DGLUCY: variants seen among roughly 807,000 people sequenced by gnomAD.
DGLUCY encodes the protein D-glutamate cyclase, also known as D-glutamate cyclase, mitochondrial.
DGLUCY carries 58 observed loss-of-function variants against 58.5 expected under a neutral mutation model. The ratio of observed to expected loss-of-function variants is 0.99; its 90% CI spans 0.80 to 1.23. DGLUCY has a LOEUF of 1.23. Among genes scored for constraint, DGLUCY ranks in the 50% most tolerant of loss-of-function variants. The probability of loss-of-function intolerance (pLI) is 0.00; values close to 1 mark genes in which losing one functional copy is unlikely to be tolerated. For synonymous variants in DGLUCY, 325 were observed against 314.1 expected (o/e 1.03, Z -0.37); for missense variants, 779 against 784.7 (o/e 0.99, Z 0.09).
intron 1 of DGLUCY, among the ~76,000 whole-genome samples, chr14:91,074,139 A>ACACACACACC (rs2043973718): frequency 6.9e-6 from 1 of 144,222 alleles, no homozygotes; most frequent in African/African-American, 2.6e-5. Flanking sequence ...ACACACACAC[A>ACACACACACC]CACACACACA....
Position 91,183,688 on chromosome 14 carries a change from G to T in DGLUCY, c.934+2299G>T, listed in dbSNP as rs145142064. On this transcript the variant is annotated intron_variant, in intron 8 of 13. Coordinates refer to ENST00000256324, the MANE Select transcript of DGLUCY (RefSeq NM_001102368.3). ...AGCTATGATTAACTTCATTTAACAG[G>T]TGAGGAAACTGAGGCAGATAAGGTA... 1.9e-4 allele frequency among the ~76,000 whole-genome samples: 29 copies of T among 152,296 alleles called. No individual in the cohort carries two copies. In the East Asian group the frequency reaches 4.8e-3, roughly 25 times the overall value.
chr14:91,119,464 A>G (rs2045215235), intron 1 of DGLUCY, among the ~76,000 whole-genome samples: 1 of 152,070 alleles, frequency 6.6e-6, no homozygotes, highest in Admixed American at 6.6e-5. Flanking sequence ...CCATACCTGA[A>G]GACTCTTTCT....
At position 91,225,006 on chromosome 14, in the gene DGLUCY, G is replaced by A; in HGVS notation, c.*173G>A. 1.5e-6 allele frequency: 1 copy of A among 668,738 alleles called. No individual in the cohort carries two copies. Among genetic ancestry groups the A allele is most frequent in the Non-Finnish European group, 2.3e-6 (1 of 435,186 alleles). The allele number at this position is 668,738 out of a possible 1,614,324, so 41.4% of individuals were successfully genotyped here. A position where few individuals can be genotyped will look rare whatever the true frequency, so the allele number is the denominator to read the frequency against. On this transcript the variant is annotated 3_prime_UTR_variant, in exon 14 of 14. Coordinates refer to ENST00000256324, the MANE Select transcript of DGLUCY (RefSeq NM_001102368.3). Reference sequence around the variant, plus strand: ...CACTTTCTGGGAGGGGTTAGTGCAGGTGCTGTGGACAAAGGACAACATTTC... The same window carrying A: ...CACTTTCTGGGAGGGGTTAGTGCAGATGCTGTGGACAAAGGACAACATTTC...
At chr14:91,128,124 C>G (rs1016968670) in intron 1 of DGLUCY, among the ~76,000 whole-genome samples, 1 of 151,844 alleles carries the variant, frequency 6.6e-6, no homozygotes, top group Admixed American at 6.6e-5. Flanking sequence ...TTTGCAAAAC[C>G]CTGCTCCTGG....
At chr14:91,189,627 G>A (rs551247267) in intron 9 of DGLUCY, among the ~76,000 whole-genome samples, 12 of 152,248 alleles carry the variant, frequency 7.9e-5, no homozygotes, top group Admixed American at 3.9e-4. Context: ...TGTTGGAGAC[G>A]CGAGGCTGTA....
intron 1 of DGLUCY, among the ~76,000 whole-genome samples, chr14:91,065,317 G>A (rs1007472195): frequency 6.6e-6 from 1 of 152,188 alleles, no homozygotes; most frequent in African/African-American, 2.4e-5. Flanking sequence ...CTCTGGGTGG[G>A]AGATGAGCGG....
chr14:91,164,265 A>T (rs2048154850), intron 3 of DGLUCY, among the ~76,000 whole-genome samples: 1 of 152,134 alleles, frequency 6.6e-6, no homozygotes, highest in African/African-American at 2.4e-5. Flanking sequence ...GAACATAATT[A>T]TGTTTTTCTT....
intron 8 of DGLUCY, among the ~76,000 whole-genome samples, chr14:91,184,832 T>C (rs1015566926): frequency 2.0e-5 from 3 of 152,200 alleles, no homozygotes; most frequent in Non-Finnish European, 4.4e-5. Flanking sequence ...CATTAGTTCA[T>C]TCTGTAGAGA....
At chr14:91,143,029 CAAAA>C (rs34164664) in intron 1 of DGLUCY, among the ~76,000 whole-genome samples, 4 of 83,074 alleles carry the variant, frequency 4.8e-5, no homozygotes, top group African/African-American at 4.7e-5. Context: ...GACTCCCTCT[CAAAA>C]AAAAAAAAAA....
intron 3 of DGLUCY, among the ~76,000 whole-genome samples, chr14:91,165,829 G>A (rs1215555479): frequency 1.3e-5 from 2 of 152,224 alleles, no homozygotes; most frequent in Non-Finnish European, 1.5e-5. Flanking sequence ...AGTTGCACAT[G>A]TGTATAACTT....
Position 91,215,439 on chromosome 14 carries a change from C to T in DGLUCY, c.1599C>T (p.Cys533=), listed in dbSNP as rs146936755. ...ACTGGGGAGGCTATGCCCTGGCCTG[C>T]GCACTCTACATCCTGTACTCATGTG... ...VSNWGGYALA[C]ALYILYSCAV... Residue 533 remains cysteine (C), a synonymous_variant, in exon 13 of 14, where the codon TGC becomes TGT. Coordinates refer to ENST00000256324, the MANE Select transcript of DGLUCY (RefSeq NM_001102368.3). The T allele has an allele frequency of 6.8e-5, 110 of 1,613,836 alleles. 1 individual carries two copies. The highest frequency in any genetic ancestry group is 4.7e-4 in the African/African-American group (35 of 75,040).
chr14:91,161,237 A>AT (rs2047962918), intron 3 of DGLUCY, among the ~76,000 whole-genome samples: 1 of 152,166 alleles, frequency 6.6e-6, no homozygotes, highest in East Asian at 1.9e-4. Flanking sequence ...TGCCCAGCTA[A>AT]TTTTTTGTAT....
At chr14:91,179,025 A>G (rs536037050) in intron 7 of DGLUCY, among the ~76,000 whole-genome samples, 1 of 151,342 alleles carries the variant, frequency 6.6e-6, no homozygotes, top group East Asian at 1.9e-4. Context: ...CTCTGTCTCA[A>G]AAAAAAAAGA....
At chr14:91,086,817 G>A (rs1352290463) in intron 1 of DGLUCY, among the ~76,000 whole-genome samples, 3 of 151,966 alleles carry the variant, frequency 2.0e-5, no homozygotes, top group Admixed American at 6.6e-5. Flanking sequence ...GCAATGGCTC[G>A]ATCTCAGCTC....
intron 11 of DGLUCY, among the ~76,000 whole-genome samples, chr14:91,204,366 C>A (rs1046342328): frequency 6.6e-6 from 1 of 152,126 alleles, no homozygotes; most frequent in Non-Finnish European, 1.5e-5. Context: ...GCTCAGTGAG[C>A]GGGAGCCACT....
intron 1 of DGLUCY, among the ~76,000 whole-genome samples, chr14:91,071,220 C>A (rs1049756884): frequency 6.6e-6 from 1 of 151,290 alleles, no homozygotes; most frequent in Non-Finnish European, 1.5e-5. Context: ...GCCTGTATTC[C>A]CAGCTACTCA....
intron 3 of DGLUCY, among the ~76,000 whole-genome samples, chr14:91,165,923 C>A (rs2048258162): frequency 6.6e-6 from 1 of 152,206 alleles, no homozygotes; most frequent in Admixed American, 6.5e-5. Context: ...TTTGTCATAA[C>A]CCCAAATTGG....
intron 4 of DGLUCY, 72 bp from the exon 5 acceptor site, chr14:91,169,931 C>A: frequency 6.8e-7 from 1 of 1,473,432 alleles, no homozygotes; most frequent in South Asian, 1.2e-5. Flanking sequence ...TCTCCGCAGT[C>A]CTTCTATAAT....
chr14:91,135,387 C>T (rs2046266314), intron 1 of DGLUCY, among the ~76,000 whole-genome samples: 1 of 152,066 alleles, frequency 6.6e-6, no homozygotes, highest in Admixed American at 6.6e-5. Flanking sequence ...CGGTGGCTCA[C>T]GCCTATAATC....
Sources: gnomAD v4.1 joint callset for allele counts (sites outside exome capture counted in the v4.1 genomes callset) on GRCh38, gnomAD v4.1.1 for gene constraint, MANE v1.5 for transcripts, NCBI Gene and HGNC (gene_info 2026-07-23, HGNC 2026-07-21) for gene names.